Variants in ITPR2 observed in about 807,000 individuals in gnomAD.
ITPR2 encodes the protein inositol 1,4,5-trisphosphate-gated calcium channel ITPR2.
In ITPR2, 207 loss-of-function variants were observed where a neutral mutation model predicts 317.1. That is an observed-to-expected ratio of 0.65 (90% CI 0.58 to 0.73). ITPR2 has a LOEUF of 0.73. ITPR2 is among the 30% of genes least tolerant of loss of function. The probability of loss-of-function intolerance (pLI) is 0.00; values close to 1 mark genes in which losing one functional copy is unlikely to be tolerated. For missense variants in ITPR2, 2,613 were observed against 3,284.0 expected, an observed-to-expected ratio of 0.80 and a Z score of 4.99; for synonymous variants, 1,156 against 1,149.1, an observed-to-expected ratio of 1.01 and a Z score of -0.12.
At chr12:26,571,966 A>G (rs1396751657) in intron 34 of ITPR2, among the ~76,000 whole-genome samples, 4 of 152,250 alleles carry the variant, frequency 2.6e-5, no homozygotes, top group Non-Finnish European at 4.4e-5. Context: ...TGTTATATAA[A>G]TATGACTATA....
intron 1 of ITPR2, among the ~76,000 whole-genome samples, chr12:26,815,331 CA>C (rs532105638): frequency 2.7e-5 from 4 of 149,210 alleles, no homozygotes; most frequent in Non-Finnish European, 5.9e-5. Flanking sequence ...GACTCAGTCT[CA>C]AAAAAAAAGG....
At chr12:26,656,585 C>T (rs1947372565) in intron 18 of ITPR2, 37 bp from the exon 19 acceptor site, 1 of 1,606,418 alleles carries the variant, frequency 6.2e-7, no homozygotes, top group Admixed American at 1.7e-5. Context: ...ATTGTCTTAT[C>T]TCAAGGAAAT....
At chr12:26,688,849 C>T (rs539068755) in intron 10 of ITPR2, among the ~76,000 whole-genome samples, 13 of 152,208 alleles carry the variant, frequency 8.5e-5, no homozygotes, top group African/African-American at 2.9e-4. Flanking sequence ...GATGAGGAAG[C>T]CTAAGAATTG....
chr12:26,401,443 A>C (rs966277172), intron 52 of ITPR2, among the ~76,000 whole-genome samples: 5 of 152,206 alleles, frequency 3.3e-5, no homozygotes, highest in African/African-American at 1.2e-4. Context: ...GAAAGAGAAA[A>C]AGACATAATG....
intron 50 of ITPR2, among the ~76,000 whole-genome samples, chr12:26,416,089 T>C (rs779907541): frequency 1.3e-5 from 2 of 152,128 alleles, no homozygotes; most frequent in African/African-American, 2.4e-5. Flanking sequence ...AGTAACAGGG[T>C]ATAATGAGGA....
At chr12:26,773,981 ATTTTTTTTT>A (rs34106132) in intron 2 of ITPR2, among the ~76,000 whole-genome samples, 13 of 91,412 alleles carry the variant, frequency 1.4e-4, no homozygotes, top group Middle Eastern at 5.4e-3. Flanking sequence ...CAACTGGAGA[ATTTTTTTTT>A]TTTTTTTTTT....
intron 52 of ITPR2, among the ~76,000 whole-genome samples, chr12:26,402,457 C>A (rs926258516): frequency 6.6e-6 from 1 of 152,174 alleles, no homozygotes; most frequent in African/African-American, 2.4e-5. Context: ...GGGCTTCTAC[C>A]TCTCTCCGAG....
chr12:26,382,030 T>C lies in ITPR2; in HGVS notation c.7857+5404A>G, dbSNP rs377475534. On this transcript the variant is annotated intron_variant, in intron 55 of 56. Coordinates refer to ENST00000381340, the MANE Select transcript of ITPR2 (RefSeq NM_002223.4). ...GATGTCTATTTTTGTTTGTTCCTCC[T>C]CAGTCATCATCCTTTGCTTAATGGG... 9.2e-5 allele frequency among the ~76,000 whole-genome samples: 14 copies of C among 152,346 alleles called. No individual in the cohort carries two copies. In the East Asian group the frequency reaches 2.5e-3, roughly 27 times the overall value.
rs187728570 is a variant in ITPR2 at position 26,693,557 on chromosome 12, T to C, written c.996+2049A>G. ...ATCCTCCTATATACTTTAAATTACC[T>C]GTAGATTAGTCATAATATCTAATAC... On this transcript the variant is annotated intron_variant, in intron 10 of 56. Coordinates refer to ENST00000381340, the MANE Select transcript of ITPR2 (RefSeq NM_002223.4). 8.4e-3 allele frequency among the ~76,000 whole-genome samples: 1,280 copies of C among 152,316 alleles called. 19 individuals are homozygous for C. The highest frequency in any genetic ancestry group is 0.029 in the African/African-American group (1,186 of 41,570).
At chr12:26,702,180 C>T (rs1183878916) in intron 9 of ITPR2, among the ~76,000 whole-genome samples, 2 of 152,022 alleles carry the variant, frequency 1.3e-5, no homozygotes, top group Non-Finnish European at 2.9e-5. Flanking sequence ...AGTGTGTGGA[C>T]AGCTGTGTCA....
chr12:26,525,177 G>T (rs888913879), intron 37 of ITPR2, among the ~76,000 whole-genome samples: 1 of 152,120 alleles, frequency 6.6e-6, no homozygotes, highest in East Asian at 1.9e-4. Flanking sequence ...CTACCATGAG[G>T]AGAGTGTGGG....
At chr12:26,691,900 G>A (rs921915930) in intron 10 of ITPR2, among the ~76,000 whole-genome samples, 1 of 151,956 alleles carries the variant, frequency 6.6e-6, no homozygotes, top group Non-Finnish European at 1.5e-5. Context: ...CTGACTTTAT[G>A]TAACCGCACA....
At chr12:26,579,555 T>C (rs1004497115) in intron 33 of ITPR2, among the ~76,000 whole-genome samples, 1 of 152,158 alleles carries the variant, frequency 6.6e-6, no homozygotes, top group Non-Finnish European at 1.5e-5. Flanking sequence ...TGATTTTTAA[T>C]TACTATATAA....
intron 32 of ITPR2, among the ~76,000 whole-genome samples, chr12:26,581,735 A>G (rs1945409729): frequency 6.6e-6 from 1 of 152,188 alleles, no homozygotes. Flanking sequence ...CCTATGATGG[A>G]TAAGAATTAG....
chr12:26,426,834 A>G (rs1941074653), intron 49 of ITPR2, among the ~76,000 whole-genome samples: 5 of 150,900 alleles, frequency 3.3e-5, no homozygotes. Flanking sequence ...AAATAAAATA[A>G]ATACATTTTA....
At chr12:26,457,396 A>T (rs1236967669) in intron 45 of ITPR2, among the ~76,000 whole-genome samples, 1 of 152,188 alleles carries the variant, frequency 6.6e-6, no homozygotes, top group Non-Finnish European at 1.5e-5. Context: ...AGGCCAGGTC[A>T]TATTGGGAGA....
At chr12:26,424,770 T>C (rs1174084193) in intron 49 of ITPR2, among the ~76,000 whole-genome samples, 3 of 151,674 alleles carry the variant, frequency 2.0e-5, no homozygotes, top group Admixed American at 2.0e-4. Flanking sequence ...TTGTTTTGTT[T>C]TGTTTTTGAA....
intron 2 of ITPR2, among the ~76,000 whole-genome samples, chr12:26,742,613 G>A: frequency 6.6e-6 from 1 of 152,038 alleles, no homozygotes; most frequent in East Asian, 1.9e-4. Context: ...TCAGGAGTTT[G>A]AGACCAGCCT....
At chr12:26,725,525 T>A in intron 3 of ITPR2, 125 bp downstream of exon 3, 1 of 648,686 alleles carries the variant, frequency 1.5e-6, no homozygotes, top group Non-Finnish European at 2.7e-6. Context: ...TTTCAATGTG[T>A]TGCTATATGT....
Sources: gnomAD v4.1 joint callset for allele counts (sites outside exome capture counted in the v4.1 genomes callset) on GRCh38, gnomAD v4.1.1 for gene constraint, MANE v1.5 for transcripts, NCBI Gene and HGNC (gene_info 2026-07-23, HGNC 2026-07-21) for gene names.